Variants in NCKAP1L observed in about 807,000 individuals in gnomAD.
The protein encoded by NCKAP1L is nck-associated protein 1-like.
NCKAP1L carries 53 observed loss-of-function variants against 139.2 expected under a neutral mutation model. That is an observed-to-expected ratio of 0.38 (90% CI 0.31 to 0.48). The LOEUF is 0.48. NCKAP1L is among the 20% of genes least tolerant of loss of function. NCKAP1L has a pLI of 0.98. For missense variants in NCKAP1L, 1,151 were observed against 1,381.9 expected (o/e 0.83, Z 2.65); for synonymous variants, 468 against 499.7 (o/e 0.94, Z 0.85).
At chr12:54,516,820 G>A (rs1956935400) in intron 10 of NCKAP1L, 76 bp from the exon 11 acceptor site, 3 of 1,282,912 alleles carry the variant, frequency 2.3e-6, no homozygotes, top group South Asian at 2.4e-5. Flanking sequence ...CCTAAATATA[G>A]CTTTCTTCTG....
chr12:54,537,586 A>G (rs1409434661), intron 29 of NCKAP1L, among the ~76,000 whole-genome samples: 2 of 152,206 alleles, frequency 1.3e-5, no homozygotes, highest in African/African-American at 2.4e-5. Flanking sequence ...TTCAAGTTGT[A>G]GAGACACTGA....
At chr12:54,532,614 A>G (rs1304484951) in intron 26 of NCKAP1L, among the ~76,000 whole-genome samples, 1 of 152,178 alleles carries the variant, frequency 6.6e-6, no homozygotes, top group African/African-American at 2.4e-5. Context: ...GGTACTGTTT[A>G]TAGGAAGATT....
rs1419506357 is a variant in NCKAP1L at position 54,497,787 on chromosome 12, A to G, written c.-3A>G. 2 of 1,599,748 alleles carry G rather than the reference A, an allele frequency of 1.3e-6. No homozygotes were observed. Among genetic ancestry groups the G allele is most frequent in the Non-Finnish European group, 1.7e-6 (2 of 1,167,070 alleles). Reference sequence around the variant, plus strand: ...GTCTGGTGCTCCTCTCTCAGTGGCCATCATGTCTTTGACATCTGCTTACCA... The same window carrying G: ...GTCTGGTGCTCCTCTCTCAGTGGCCGTCATGTCTTTGACATCTGCTTACCA... On this transcript the variant is annotated 5_prime_UTR_variant, in exon 1 of 31. Transcript: ENST00000293373.
At position 54,532,154 on chromosome 12, in the gene NCKAP1L, C is replaced by A; in HGVS notation, c.2782-16C>A. The A allele has an allele frequency of 6.3e-7, 1 of 1,585,530 alleles. No homozygotes were observed. The highest frequency in any genetic ancestry group is 8.6e-7 in the Non-Finnish European group (1 of 1,161,738). ...GTCATGGTCTTGTGGACTCATTTAT[C>A]TTCTCTTTCCTCCAGGTTTTCTCCT... is the stretch of plus-strand genomic sequence containing the variant. On this transcript the variant is annotated splice_polypyrimidine_tract_variant and intron_variant, in intron 25 of 30. Transcript: ENST00000293373.
In NCKAP1L at chr12:54,545,190, CAT is replaced by C. The variant is rs1290297348; in HGVS notation, c.*2509_*2510del. 1 of 152,156 alleles carries C rather than the reference CAT, an allele frequency of 6.6e-6. No individual in the cohort carries two copies. The highest frequency in any genetic ancestry group is 1.5e-5 in the Non-Finnish European group (1 of 68,034). 9.4% of individuals were successfully genotyped at this position (152,156 alleles called of 1,614,324 possible). On this transcript the variant is annotated 3_prime_UTR_variant, in exon 31 of 31. Coordinates refer to ENST00000293373, the MANE Select transcript of NCKAP1L (RefSeq NM_005337.5). ...GTCATTTGATATATCTTTTTGTAAA[CAT>C]ATAATTATACACACATATTTCTCTA...
Position 54,536,193 on chromosome 12 carries a change from C to T in NCKAP1L, c.3021C>T (p.Ser1007=), listed in dbSNP as rs1957111438. The T allele has an allele frequency of 6.2e-7, 1 of 1,613,444 alleles. No individual in the cohort carries two copies. The highest frequency in any genetic ancestry group is 1.3e-5 in the African/African-American group (1 of 74,976). ...TGCTCTTGATCTTTCTGGCAGTTTCCCTCCCACTCCTTGCCACTGACCCTT... is the reference window on the plus strand; with the variant it reads ...TGCTCTTGATCTTTCTGGCAGTTTCTCTCCCACTCCTTGCCACTGACCCTT... ...ACLLLIFLAV[S]LPLLATDPSS... is the part of the protein sequence containing the mutation. Residue 1007 remains serine (S), a synonymous_variant, in exon 28 of 31, where the codon TCC becomes TCT. Coordinates refer to ENST00000293373, the MANE Select transcript of NCKAP1L (RefSeq NM_005337.5).
intron 13 of NCKAP1L, 34 bp downstream of exon 13, chr12:54,517,972 T>C (rs373521399): frequency 1.2e-6 from 2 of 1,611,522 alleles, no homozygotes; most frequent in African/African-American, 2.7e-5. Context: ...TTTGGAAATT[T>C]CAGGATGATC....
intron 22 of NCKAP1L, 82 bp downstream of exon 22, chr12:54,528,459 T>C: frequency 1.3e-6 from 2 of 1,514,438 alleles, no homozygotes; most frequent in African/African-American, 1.4e-5. Context: ...GGACATGTAT[T>C]TAGGTTGGTG....
chr12:54,535,296 A>T, intron 27 of NCKAP1L, 99 bp downstream of exon 27: 1 of 878,604 alleles, frequency 1.1e-6, no homozygotes, highest in Non-Finnish European at 1.8e-6. Flanking sequence ...ATTTGAGATT[A>T]TATATTCAGA....
Position 54,503,643 on chromosome 12 carries a change from CT to C in NCKAP1L, c.306+3032del, listed in dbSNP as rs1268109550. Among the ~76,000 whole-genome samples the C allele has an allele frequency of 9.2e-3, 1,285 of 140,128 alleles. 8 individuals are homozygous for C. The highest frequency in any genetic ancestry group is 0.022 in the South Asian group (99 of 4,450). 91.9% of individuals were successfully genotyped at this position (140,128 alleles called of 152,430 possible). A position where few individuals can be genotyped will look rare whatever the true frequency, so the allele number is the denominator to read the frequency against. ...CACACACATATATATTTTTTCTTTTCTTTTTTTTTTTTTTGAGGCGGAGTCT... is the reference window on the plus strand; with the variant it reads ...CACACACATATATATTTTTTCTTTTCTTTTTTTTTTTTTGAGGCGGAGTCT... On this transcript the variant is annotated intron_variant, in intron 3 of 30. Coordinates refer to ENST00000293373, the MANE Select transcript of NCKAP1L (RefSeq NM_005337.5).
intron 26 of NCKAP1L, among the ~76,000 whole-genome samples, chr12:54,533,121 A>T (rs1177736061): frequency 6.6e-6 from 1 of 152,216 alleles, no homozygotes; most frequent in Non-Finnish European, 1.5e-5. Context: ...GTGAGGGGGC[A>T]GTGTTTCACT....
intron 26 of NCKAP1L, among the ~76,000 whole-genome samples, chr12:54,533,867 C>A (rs1400600579): frequency 1.3e-5 from 2 of 152,140 alleles, no homozygotes; most frequent in African/African-American, 2.4e-5. Context: ...ATTGCTCTGG[C>A]CAGTCTGTGG....
At chr12:54,500,415 C>T (rs889793443) in intron 2 of NCKAP1L, 118 bp from the exon 3 acceptor site, 43 of 691,220 alleles carry the variant, frequency 6.2e-5, no homozygotes, top group Admixed American at 1.4e-4. Flanking sequence ...TGAGCCACTG[C>T]GCCCGGCCTC....
intron 18 of NCKAP1L, 42 bp from the exon 19 acceptor site, chr12:54,523,352 A>G (rs1444347682): frequency 6.3e-7 from 1 of 1,585,000 alleles, no homozygotes. Flanking sequence ...CCGTTTTAGC[A>G]ACAAATCCCC....
chr12:54,540,343 T>G (rs1382621084), intron 30 of NCKAP1L, among the ~76,000 whole-genome samples: 2 of 152,040 alleles, frequency 1.3e-5, no homozygotes, highest in Non-Finnish European at 2.9e-5. Flanking sequence ...TGGTTAAGGA[T>G]TATGAGAGAG....
chr12:54,525,263 C>T (rs73310373), intron 20 of NCKAP1L, among the ~76,000 whole-genome samples: 12,123 of 152,168 alleles, frequency 0.08, 584 homozygotes, highest in African/African-American at 0.14. Context: ...GCTACATTAG[C>T]GGGGGCAAGG....
At chr12:54,534,467 C>G (rs1957098193) in intron 26 of NCKAP1L, among the ~76,000 whole-genome samples, 1 of 152,134 alleles carries the variant, frequency 6.6e-6, no homozygotes, top group Non-Finnish European at 1.5e-5. Context: ...TAACTAACAC[C>G]AGATGCTGTG....
At chr12:54,521,370 G>A (rs1007721659) in intron 18 of NCKAP1L, 132 bp downstream of exon 18, 1 of 1,252,568 alleles carries the variant, frequency 8.0e-7, no homozygotes, top group Non-Finnish European at 1.1e-6. Flanking sequence ...GGGCCTTTCT[G>A]TACTTGAGTT....
chr12:54,523,097 T>C (rs1269664730), intron 18 of NCKAP1L, among the ~76,000 whole-genome samples: 1 of 152,190 alleles, frequency 6.6e-6, no homozygotes, highest in Non-Finnish European at 1.5e-5. Context: ...TACTTGAGTT[T>C]TTCCATTAAG....
Sources: gnomAD v4.1 joint callset for allele counts (sites outside exome capture counted in the v4.1 genomes callset) on GRCh38, gnomAD v4.1.1 for gene constraint, MANE v1.5 for transcripts, NCBI Gene and HGNC (gene_info 2026-07-23, HGNC 2026-07-21) for gene names.